Variants in TBX1 observed in about 807,000 individuals in gnomAD.
The protein encoded by TBX1 is T-box transcription factor TBX1.
TBX1 carries 16 observed loss-of-function variants against 40.8 expected under a neutral mutation model. The observed-to-expected ratio is 0.39, with a 90% CI of 0.27 to 0.60. The LOEUF (loss-of-function observed/expected upper bound fraction) is 0.60. Ranked by LOEUF, TBX1 falls within the 20% of genes least tolerant of loss-of-function variation. The pLI is 0.51. For missense variants in TBX1, 755 were observed against 728.5 expected (o/e 1.04, Z -0.42); for synonymous variants, 403 against 336.8 (o/e 1.20, Z -2.15).
chr22:19,779,416 G>A, exon 9 of TBX1: 2 of 1,614,142 alleles, frequency 1.2e-6, no homozygotes, highest in Non-Finnish European at 1.7e-6. Flanking sequence ...GAATGCTGAG[G>A]CCGGGCCATG....
At chr22:19,776,242 G>A (rs796406715) in intron 8 of TBX1, among the ~76,000 whole-genome samples, 23 of 152,234 alleles carry the variant, frequency 1.5e-4, no homozygotes, top group African/African-American at 5.3e-4. Context: ...TCTCAGGGGT[G>A]GTTTCTCTGT....
downstream of TBX1, among the ~76,000 whole-genome samples, chr22:19,768,951 T>C (rs1936938826): frequency 7.3e-6 from 1 of 136,672 alleles, no homozygotes; most frequent in African/African-American, 2.9e-5. Context: ...GCTGTTCGCA[T>C]TCTTTTTTTT....
chr22:19,760,744 C>T (rs1294466198), upstream of TBX1, among the ~76,000 whole-genome samples: 11 of 137,576 alleles, frequency 8.0e-5, no homozygotes, highest in African/African-American at 2.4e-4. Context: ...TGTGGGGCTG[C>T]ACGGCCCGGG....
At position 19,763,221 on chromosome 22, in the gene TBX1, C is replaced by T. The variant is rs567121547; in HGVS notation, c.438-20C>T. 1.2e-6 allele frequency: 2 copies of T among 1,607,422 alleles called. No homozygotes were observed. Among genetic ancestry groups the T allele is most frequent in the South Asian group, 1.1e-5 (1 of 90,930 alleles). ...CTGCCTTCCACCAGCTAGGGTGACC[C>T]AAGGCCTCATCACCCCCAGGCGGAT... On this transcript the variant is annotated intron_variant, in intron 1 of 6. Coordinates refer to ENST00000649276, the MANE Select transcript of TBX1 (RefSeq NM_001379200.1).
chr22:19,781,595 G>A (rs1021487534), downstream of TBX1, among the ~76,000 whole-genome samples: 6 of 151,974 alleles, frequency 3.9e-5, no homozygotes, highest in East Asian at 7.7e-4. Context: ...TGTGCCTTTC[G>A]TGTCATATCC....
chr22:19,769,118 G>T (rs1449892209), downstream of TBX1, among the ~76,000 whole-genome samples: 1 of 151,924 alleles, frequency 6.6e-6, no homozygotes, highest in Non-Finnish European at 1.5e-5. Flanking sequence ...GTACCACCAT[G>T]CCCGGCTAAT....
intron 8 of TBX1, among the ~76,000 whole-genome samples, chr22:19,776,190 G>A (rs374329023): frequency 6.3e-4 from 96 of 152,174 alleles, no homozygotes; most frequent in African/African-American, 2.1e-3. Flanking sequence ...CAGCTCTGGG[G>A]CCTGTGCTCG....
chr22:19,780,725 T>C (rs1316321998), downstream of TBX1, among the ~76,000 whole-genome samples: 1 of 151,738 alleles, frequency 6.6e-6, no homozygotes, highest in Admixed American at 6.6e-5. Context: ...CATTTTTACA[T>C]TCCCACCAAT....
At chr22:19,770,123 C>T (rs1353766761), downstream of TBX1, among the ~76,000 whole-genome samples, 14 of 152,172 alleles carry the variant, frequency 9.2e-5, no homozygotes, top group Admixed American at 9.2e-4. Flanking sequence ...CTAGCTGGTC[C>T]AGAGGCCCCG....
At chr22:19,759,500 G>A, upstream of TBX1, 64 of 1,490,540 alleles carry the variant, frequency 4.3e-5, no homozygotes, top group Non-Finnish European at 5.6e-5. Context: ...GCCTATGGAC[G>A]CGCGGAGCCC....
At chr22:19,781,372 G>T (rs1471630140), downstream of TBX1, among the ~76,000 whole-genome samples, 3 of 152,060 alleles carry the variant, frequency 2.0e-5, no homozygotes, top group Non-Finnish European at 2.9e-5. Context: ...CGGCACCCAG[G>T]ATGGCCCATT....
At chr22:19,759,673 G>T, upstream of TBX1, 1 of 1,612,500 alleles carries the variant, frequency 6.2e-7, no homozygotes, top group Non-Finnish European at 8.5e-7. Context: ...CCAGGGACAT[G>T]GAAGGTGAGC....
upstream of TBX1, among the ~76,000 whole-genome samples, chr22:19,758,222 T>C (rs1380832375): frequency 3.9e-5 from 6 of 152,122 alleles, no homozygotes; most frequent in Non-Finnish European, 7.4e-5. Context: ...ACTCCCATCC[T>C]GAGCATGCAC....
chr22:19,764,797 C>T (rs1936778392), intron 3 of TBX1, among the ~76,000 whole-genome samples, 161 bp from the exon 4 acceptor site: 1 of 152,184 alleles, frequency 6.6e-6, no homozygotes, highest in Admixed American at 6.5e-5. Context: ...TCACAGCCTC[C>T]TCTTGGCCCA....
upstream of TBX1, among the ~76,000 whole-genome samples, chr22:19,757,411 A>T (rs1432726871): frequency 6.6e-6 from 1 of 152,150 alleles, no homozygotes; most frequent in Non-Finnish European, 1.5e-5. Context: ...CAGAGTCTCC[A>T]GGAGGCCCCA....
chr22:19,782,479 T>C (rs942890392), downstream of TBX1, among the ~76,000 whole-genome samples: 1 of 152,230 alleles, frequency 6.6e-6, no homozygotes, highest in African/African-American at 2.4e-5. Context: ...TTGTATTTGC[T>C]TTCAGTTTGT....
At chr22:19,763,784 C>A in intron 2 of TBX1, 1 of 415,428 alleles carries the variant, frequency 2.4e-6, no homozygotes, top group East Asian at 4.6e-5. Context: ...CAATTAACAG[C>A]AATTAATAAA....
At chr22:19,772,813 C>T (rs1361171747) in intron 8 of TBX1, among the ~76,000 whole-genome samples, 1 of 152,206 alleles carries the variant, frequency 6.6e-6, no homozygotes, top group Non-Finnish European at 1.5e-5. Context: ...GACCTTCAGC[C>T]ATGAGGCAGT....
exon 9 of TBX1, chr22:19,779,479 C>A (rs1937117555): frequency 1.9e-6 from 3 of 1,599,528 alleles, no homozygotes; most frequent in Admixed American, 1.8e-5. Flanking sequence ...TTGAAATTTC[C>A]AAAATTAAAA....
Sources: gnomAD v4.1 joint callset for allele counts (sites outside exome capture counted in the v4.1 genomes callset) on GRCh38, gnomAD v4.1.1 for gene constraint, MANE v1.5 for transcripts, NCBI Gene and HGNC (gene_info 2026-07-23, HGNC 2026-07-21) for gene names.